ZBTB40: variants seen among roughly 807,000 people sequenced by gnomAD.
ZBTB40 encodes zinc finger and BTB domain-containing protein 40.
A neutral mutation model predicts 117.5 loss-of-function variants in ZBTB40; 60 were observed. The ratio of observed to expected loss-of-function variants is 0.51; its 90% CI spans 0.41 to 0.63. The LOEUF (loss-of-function observed/expected upper bound fraction) is 0.63. ZBTB40 is among the 30% of genes least tolerant of loss of function. The probability of loss-of-function intolerance (pLI) is 0.00; values close to 1 mark genes in which losing one functional copy is unlikely to be tolerated. For synonymous variants in ZBTB40, 525 were observed against 577.1 expected, an observed-to-expected ratio of 0.91 and a Z score of 1.29; for missense variants, 1,287 against 1,498.5, an observed-to-expected ratio of 0.86 and a Z score of 2.33.
chr1:22,502,691 A>G (rs1638971976), intron 5 of ZBTB40, among the ~76,000 whole-genome samples: 1 of 152,042 alleles, frequency 6.6e-6, no homozygotes, highest in Admixed American at 6.6e-5. Context: ...GGATGGATGG[A>G]TGGGTGGACA....
At chr1:22,458,762 A>G (rs944987850) in intron 1 of ZBTB40, among the ~76,000 whole-genome samples, 1 of 152,084 alleles carries the variant, frequency 6.6e-6, no homozygotes, top group Admixed American at 6.6e-5. Flanking sequence ...GCCAATTTTT[A>G]TGATTTTTGG....
Position 22,502,461 on chromosome 1 carries a change from C to A in ZBTB40, c.1167+20C>A. 1 of 1,613,744 alleles carries A rather than the reference C, an allele frequency of 6.2e-7. No homozygotes were observed. The highest frequency in any genetic ancestry group is 8.5e-7 in the Non-Finnish European group (1 of 1,179,756). On this transcript the variant is annotated intron_variant, in intron 5 of 17. Coordinates refer to ENST00000375647, the MANE Select transcript of ZBTB40 (RefSeq NM_014870.4). Reference sequence around the variant, plus strand: ...AAAAGGGTAACTGTGTCAAGTGTCTCCTCCCTCCTCCTGAATTCATATAGC... The same window carrying A: ...AAAAGGGTAACTGTGTCAAGTGTCTACTCCCTCCTCCTGAATTCATATAGC...
intron 8 of ZBTB40, 120 bp downstream of exon 8, chr1:22,508,851 G>T: frequency 8.6e-7 from 1 of 1,169,344 alleles, no homozygotes; most frequent in Non-Finnish European, 1.2e-6. Flanking sequence ...TAGAAGTAAG[G>T]ACTGGCAGTT....
intron 1 of ZBTB40, among the ~76,000 whole-genome samples, chr1:22,471,049 A>G (rs1009335599): frequency 6.6e-6 from 1 of 152,232 alleles, no homozygotes; most frequent in African/African-American, 2.4e-5. Context: ...TTCTGTGTCT[A>G]GATAGTGCTA....
At chr1:22,472,724 G>T (rs1399757594) in intron 1 of ZBTB40, among the ~76,000 whole-genome samples, 2 of 152,208 alleles carry the variant, frequency 1.3e-5, no homozygotes, top group Non-Finnish European at 2.9e-5. Context: ...ATATTTATTG[G>T]CTGGCTGTAC....
chr1:22,452,884 T>C (rs2124377785), intron 1 of ZBTB40: 1 of 152,498 alleles, frequency 6.6e-6, no homozygotes, highest in South Asian at 2.1e-4. Context: ...AGTGCTGCAA[T>C]GAACCAGGTG....
intron 1 of ZBTB40, among the ~76,000 whole-genome samples, chr1:22,436,271 G>T (rs952272101): frequency 5.3e-5 from 8 of 152,096 alleles, no homozygotes; most frequent in African/African-American, 1.9e-4. Flanking sequence ...CAGCACTTTG[G>T]GAGGGCGAGG....
At chr1:22,435,070 G>A (rs895146056) in intron 1 of ZBTB40, among the ~76,000 whole-genome samples, 2 of 146,114 alleles carry the variant, frequency 1.4e-5, no homozygotes, top group African/African-American at 5.1e-5. Context: ...GTGTGATCTC[G>A]GCTCACTGCA....
intron 1 of ZBTB40, among the ~76,000 whole-genome samples, chr1:22,489,586 G>A (rs1214952596): frequency 6.6e-6 from 1 of 152,134 alleles, no homozygotes; most frequent in Non-Finnish European, 1.5e-5. Context: ...GTCCTTCAAA[G>A]CTCCAATCTC....
chr1:22,436,234 G>A (rs1035337766), intron 1 of ZBTB40, among the ~76,000 whole-genome samples: 5 of 152,108 alleles, frequency 3.3e-5, no homozygotes, highest in Admixed American at 1.3e-4. Flanking sequence ...TACTCATGCC[G>A]GACGCGGTGG....
At chr1:22,470,903 T>A (rs760689812) in intron 1 of ZBTB40, among the ~76,000 whole-genome samples, 21 of 152,232 alleles carry the variant, frequency 1.4e-4, no homozygotes, top group Non-Finnish European at 2.1e-4. Context: ...CTAACTTCCT[T>A]TGCTGTCTTC....
intron 1 of ZBTB40, among the ~76,000 whole-genome samples, chr1:22,461,357 A>C (rs536417166): frequency 1.4e-3 from 206 of 151,710 alleles, no homozygotes; most frequent in Non-Finnish European, 2.6e-3. Flanking sequence ...CTGGACAGTA[A>C]AATGTTGAGG....
chr1:22,451,411 G>C (rs1640865622), upstream of ZBTB40, among the ~76,000 whole-genome samples: 1 of 152,084 alleles, frequency 6.6e-6, no homozygotes, highest in Admixed American at 6.5e-5. Context: ...GAGGCAGGTG[G>C]ATCATCTGGG....
intron 5 of ZBTB40, among the ~76,000 whole-genome samples, chr1:22,504,811 G>C (rs1279202446): frequency 1.3e-5 from 2 of 152,184 alleles, no homozygotes; most frequent in African/African-American, 4.8e-5. Context: ...ATTTGAACTA[G>C]GTCTGTCTGG....
At chr1:22,486,257 G>A (rs1020030396) in intron 1 of ZBTB40, among the ~76,000 whole-genome samples, 21 of 152,190 alleles carry the variant, frequency 1.4e-4, no homozygotes, top group African/African-American at 4.8e-4. Flanking sequence ...CAATCTTTTG[G>A]TGAGCTTGTG....
intron 1 of ZBTB40, chr1:22,453,089 T>C (rs928442761): frequency 6.6e-6 from 1 of 152,244 alleles, no homozygotes; most frequent in Admixed American, 6.5e-5. Flanking sequence ...GTCAAACTGC[T>C]TTGGATTTTA....
rs535089820 is a variant in ZBTB40 at position 22,504,247 on chromosome 1, C to T, written c.1168-1802C>T. Among the ~76,000 whole-genome samples, 3 of 152,134 alleles carry T rather than the reference C, an allele frequency of 2.0e-5. 1 individual carries two copies. Among genetic ancestry groups the T allele is most frequent in the South Asian group, 4.1e-4 (2 of 4,822 alleles). ...ACTTTTTTTCTGGTTAGAAACTATG[C>T]TAATAATGGATGCCATGGCCTTTAT... On this transcript the variant is annotated intron_variant, in intron 5 of 17. Transcript: ENST00000375647.
Position 22,513,973 on chromosome 1 carries a change from AT to A in ZBTB40, c.2668+844del, listed in dbSNP as rs1184075798. Reference sequence around the variant, plus strand: ...GACCCTGACTAAGCACCTACCGTGGATCAGACAGTGGCAGATGCCGAGTGGC... The same window carrying A: ...GACCCTGACTAAGCACCTACCGTGGACAGACAGTGGCAGATGCCGAGTGGC... On this transcript the variant is annotated intron_variant, in intron 12 of 17. Transcript: ENST00000375647. The surrounding 1 kb of genome is among the most constrained non-coding windows in gnomAD (Gnocchi z 4.9). Among the ~76,000 whole-genome samples, 1 of 152,240 alleles carries A rather than the reference AT, an allele frequency of 6.6e-6. No homozygotes were observed. Among genetic ancestry groups the A allele is most frequent in the East Asian group, 1.9e-4 (1 of 5,196 alleles).
chr1:22,527,851 A>G lies in ZBTB40; in HGVS notation c.*1455A>G, dbSNP rs913713730. 3 of 152,418 alleles carry G rather than the reference A, an allele frequency of 2.0e-5. No individual in the cohort carries two copies. The highest frequency in any genetic ancestry group is 1.3e-4 in the Admixed American group (2 of 15,282). The allele number at this position is 152,418 out of a possible 1,614,324, so 9.4% of individuals were successfully genotyped here. A position where few individuals can be genotyped will look rare whatever the true frequency, so the allele number is the denominator to read the frequency against. The stretch of plus-strand genomic sequence containing the variant: ...CACAGCCTTACTGACCAGCACGCCC[A>G]CTGACTGGCATCTGCCGGCTTTGTG... On this transcript the variant is annotated 3_prime_UTR_variant, in exon 18 of 18. Transcript: ENST00000375647.
Sources: allele counts gnomAD v4.1 joint callset (sites outside exome capture counted in the v4.1 genomes callset), GRCh38; gene constraint gnomAD v4.1.1; non-coding constraint Gnocchi (gnomAD v3.1); transcripts MANE v1.5; gene names NCBI Gene and HGNC (gene_info 2026-07-23, HGNC 2026-07-21).